SLA: variants seen among roughly 807,000 people sequenced by gnomAD.
SLA encodes the protein Src like adaptor.
In SLA, 16 loss-of-function variants were observed where a neutral mutation model predicts 30.3. That is an observed-to-expected ratio of 0.53 (90% CI 0.36 to 0.80). The LOEUF is 0.80. Ranked by LOEUF, SLA falls within the 30% of genes least tolerant of loss-of-function variation. SLA has a pLI of 0.01. For synonymous variants in SLA, 143 were observed against 137.8 expected, an observed-to-expected ratio of 1.04 and a Z score of -0.26; for missense variants, 310 against 345.2, an observed-to-expected ratio of 0.90 and a Z score of 0.81.
At chr8:133,051,700 G>A (rs908276937) in intron 3 of SLA, among the ~76,000 whole-genome samples, 4 of 152,178 alleles carry the variant, frequency 2.6e-5, no homozygotes, top group African/African-American at 9.7e-5. Context: ...TTGACACTGA[G>A]CGATACGTCT....
intron 7 of SLA, among the ~76,000 whole-genome samples, chr8:133,041,400 C>T (rs983065038): frequency 6.6e-6 from 1 of 152,194 alleles, no homozygotes; most frequent in South Asian, 2.1e-4. Flanking sequence ...GTTTTCAGTC[C>T]GACTTCAACT....
chr8:133,097,641 A>G (rs1178805657), intron 1 of SLA, among the ~76,000 whole-genome samples: 2 of 152,202 alleles, frequency 1.3e-5, no homozygotes, highest in Non-Finnish European at 2.9e-5. Flanking sequence ...AAGTGTGTAT[A>G]TTTGTATGTT....
rs533956165 is a variant in SLA at position 133,039,575 on chromosome 8, G to GA, written c.617+422dup. ...AATCCATGAAAGTTTTTTTCTCTTAGAAAAAACAAAGAAGTCACTGTAGGA... is the reference window on the plus strand; with the variant it reads ...AATCCATGAAAGTTTTTTTCTCTTAGAAAAAAACAAAGAAGTCACTGTAGGA... On this transcript the variant is annotated intron_variant, in intron 8 of 8. Transcript: ENST00000338087. Among the ~76,000 whole-genome samples, 789 of 152,116 alleles carry GA rather than the reference G, an allele frequency of 5.2e-3. 5 individuals are homozygous for GA. The highest frequency in any genetic ancestry group is 8.3e-3 in the Non-Finnish European group (562 of 67,970).
chr8:133,041,742 C>T (rs1004165667), intron 7 of SLA, among the ~76,000 whole-genome samples: 2 of 150,862 alleles, frequency 1.3e-5, no homozygotes, highest in South Asian at 2.1e-4. Context: ...GAGCTAGCCT[C>T]GTACCCTGGA....
chr8:133,042,709 T>TTTTTTTTTTTTTG (rs1554706931), intron 7 of SLA, among the ~76,000 whole-genome samples: 1 of 138,594 alleles, frequency 7.2e-6, no homozygotes, highest in African/African-American at 2.8e-5. Context: ...TTTTTTTTTT[T>TTTTTTTTTTTTTG]GTGAGATGGA....
rs148579032 is a variant in SLA at position 133,050,904 on chromosome 8, C to T, written c.73G>A (p.Asp25Asn). The stretch of plus-strand genomic sequence containing the variant: ...TAGTCACTTAGCACGGCAAGGAAGT[C>T]GCTATCCAGTCCTGGGGAAACAAAG... ...PLPNPEGLDS[D>N]FLAVLSDYPS... Residue 25 changes from aspartate (D) to asparagine (N), a missense_variant, in exon 4 of 9, where the codon GAC (aspartate) becomes AAC (asparagine). Physicochemically the swap from Asp to Asn is conservative, Grantham distance 23 (BLOSUM62 1). Coordinates refer to ENST00000338087, the MANE Select transcript of SLA (RefSeq NM_001045556.3). The T allele has an allele frequency of 6.3e-5, 102 of 1,611,894 alleles. No individual in the cohort carries two copies. The African/African-American group carries it at 7.7e-4, about 12-fold the overall frequency.
intron 1 of SLA, among the ~76,000 whole-genome samples, chr8:133,088,495 A>G (rs549458074): frequency 1.3e-5 from 2 of 152,310 alleles, no homozygotes; most frequent in East Asian, 3.9e-4. Context: ...TCCAAGCCTC[A>G]GTCTCTCTAT....
At chr8:133,078,571 C>T (rs1027082300) in intron 1 of SLA, among the ~76,000 whole-genome samples, 2 of 152,222 alleles carry the variant, frequency 1.3e-5, no homozygotes, top group Non-Finnish European at 2.9e-5. Flanking sequence ...GTGCTCCATA[C>T]ATTCATTCAG....
At chr8:133,072,527 A>G (rs1844222986) in intron 2 of SLA, among the ~76,000 whole-genome samples, 1 of 152,222 alleles carries the variant, frequency 6.6e-6, no homozygotes, top group Non-Finnish European at 1.5e-5. Context: ...AACAAGAACC[A>G]AATGGTTTGG....
intron 1 of SLA, among the ~76,000 whole-genome samples, chr8:133,085,198 T>A (rs999156338): frequency 1.3e-5 from 2 of 152,228 alleles, no homozygotes; most frequent in Non-Finnish European, 2.9e-5. Context: ...CTAGGACAGG[T>A]TAGCAGTCCA....
At chr8:133,050,145 A>T in intron 4 of SLA, 157 bp from the exon 5 acceptor site, 1 of 651,920 alleles carries the variant, frequency 1.5e-6, no homozygotes, top group South Asian at 1.7e-5. Flanking sequence ...GTCATCTGAA[A>T]ATTTTCTTTT....
intron 2 of SLA, among the ~76,000 whole-genome samples, chr8:133,069,140 A>G (rs1034698904): frequency 6.6e-6 from 1 of 152,274 alleles, no homozygotes; most frequent in Non-Finnish European, 1.5e-5. Context: ...GTGGAGGTAG[A>G]TGGAAACTTT....
chr8:133,077,537 C>T (rs962562627), intron 1 of SLA, among the ~76,000 whole-genome samples: 2 of 152,280 alleles, frequency 1.3e-5, no homozygotes, highest in East Asian at 3.9e-4. Flanking sequence ...ACTGTGCTAT[C>T]CCAAAGCCTG....
chr8:133,077,038 G>A (rs891675502), intron 1 of SLA, among the ~76,000 whole-genome samples: 10 of 152,288 alleles, frequency 6.6e-5, no homozygotes, highest in African/African-American at 9.6e-5. Flanking sequence ...ACCGAGGGGC[G>A]CAGATGTGCT....
chr8:133,052,261 A>G (rs565536601), intron 3 of SLA, among the ~76,000 whole-genome samples: 1 of 152,378 alleles, frequency 6.6e-6, no homozygotes, highest in Non-Finnish European at 1.5e-5. Flanking sequence ...GGTTATGCTT[A>G]TCGATTGATA....
chr8:133,094,242 CTTTTT>C (rs765931953), intron 1 of SLA, among the ~76,000 whole-genome samples: 8 of 126,562 alleles, frequency 6.3e-5, no homozygotes, highest in Admixed American at 8.0e-5. Context: ...CTGTCGTTTT[CTTTTT>C]TTTTTTTTTT....
At chr8:133,100,290 CAT>C (rs1225621880) in intron 1 of SLA, among the ~76,000 whole-genome samples, 1 of 152,200 alleles carries the variant, frequency 6.6e-6, no homozygotes, top group African/African-American at 2.4e-5. Context: ...AGAGGGAAGC[CAT>C]ATCCCCAGCC....
chr8:133,060,487 G>C (rs1842213883), intron 2 of SLA: 3 of 871,392 alleles, frequency 3.4e-6, no homozygotes, highest in Non-Finnish European at 5.0e-6. Context: ...ATGGTAAGCA[G>C]CCACAGCAGG....
intron 1 of SLA, among the ~76,000 whole-genome samples, chr8:133,075,629 C>T (rs972365849): frequency 6.6e-5 from 10 of 152,118 alleles, no homozygotes; most frequent in East Asian, 1.9e-4. Context: ...CGTATCATGA[C>T]GGCTATATCT....
Sources: allele counts gnomAD v4.1 joint callset (sites outside exome capture counted in the v4.1 genomes callset), GRCh38; gene constraint gnomAD v4.1.1; transcripts MANE v1.5; gene names NCBI Gene and HGNC (gene_info 2026-07-23, HGNC 2026-07-21).